GFRAL: variants seen among roughly 807,000 people sequenced by gnomAD.
The protein encoded by GFRAL is GDNF family receptor alpha-like.
In GFRAL, 36 loss-of-function variants were observed where a neutral mutation model predicts 45.4. That is an observed-to-expected ratio of 0.79 (90% CI 0.61 to 1.05). GFRAL has a LOEUF of 1.05. Among genes scored for constraint, GFRAL ranks in the 50% least tolerant of loss-of-function variants. The pLI, the probability that GFRAL is intolerant of heterozygous loss-of-function variation, is 0.00. For synonymous variants in GFRAL, 166 were observed against 154.1 expected, an observed-to-expected ratio of 1.08 and a Z score of -0.57; for missense variants, 507 against 467.5, an observed-to-expected ratio of 1.08 and a Z score of -0.78.
At chr6:55,400,662 AG>A (rs5876448) in intron 8 of GFRAL, among the ~76,000 whole-genome samples, 103,365 of 151,956 alleles carry the variant, frequency 0.68, 35,608 homozygotes, top group East Asian at 0.78. Context: ...CTTTTCTCCA[AG>A]GCCTTAAAAG....
At chr6:55,367,770 C>A (rs1581915321) in intron 6 of GFRAL, among the ~76,000 whole-genome samples, 1 of 151,754 alleles carries the variant, frequency 6.6e-6, no homozygotes, top group East Asian at 1.9e-4. Flanking sequence ...AATATTGGCC[C>A]CCACTCTCTT....
chr6:55,383,804 G>C (rs2127363799), intron 6 of GFRAL, among the ~76,000 whole-genome samples: 2 of 151,992 alleles, frequency 1.3e-5, no homozygotes, highest in Middle Eastern at 6.8e-3. Context: ...TTACATTTAG[G>C]ACAAGTTCCC....
At chr6:55,341,941 A>G (rs1370036218) in intron 3 of GFRAL, among the ~76,000 whole-genome samples, 1 of 151,808 alleles carries the variant, frequency 6.6e-6, no homozygotes, top group Non-Finnish European at 1.5e-5. Flanking sequence ...AGATTAAACA[A>G]ATGAAAGGAA....
Position 55,342,051 on chromosome 6 carries a change from G to A in GFRAL, c.317-8041G>A, listed in dbSNP as rs150001210. 5.9e-3 allele frequency among the ~76,000 whole-genome samples: 904 copies of A among 152,324 alleles called. 7 individuals carry two copies. Among genetic ancestry groups the A allele is most frequent in the African/African-American group, 0.02 (836 of 41,564 alleles). On this transcript the variant is annotated intron_variant, in intron 3 of 8. Coordinates refer to ENST00000340465, the MANE Select transcript of GFRAL (RefSeq NM_207410.2). ...AAAAGACCAAATCTACATCTGATTGGTGTACCTGAAAGTGATGGGGAAAAT... is the reference window on the plus strand; with the variant it reads ...AAAAGACCAAATCTACATCTGATTGATGTACCTGAAAGTGATGGGGAAAAT...
chr6:55,384,003 C>T (rs894004931), intron 6 of GFRAL, among the ~76,000 whole-genome samples: 2 of 151,964 alleles, frequency 1.3e-5, no homozygotes, highest in Non-Finnish European at 2.9e-5. Context: ...GATACCATCC[C>T]GATGTTTTCG....
At chr6:55,341,863 C>A (rs899088262) in intron 3 of GFRAL, among the ~76,000 whole-genome samples, 3 of 152,072 alleles carry the variant, frequency 2.0e-5, no homozygotes, top group Non-Finnish European at 4.4e-5. Flanking sequence ...GGCACGAGAA[C>A]TACATGATGA....
chr6:55,358,801 AT>A, intron 5 of GFRAL, 86 bp from the exon 6 acceptor site: 1 of 1,281,346 alleles, frequency 7.8e-7, no homozygotes, highest in African/African-American at 1.5e-5. Context: ...ATTGTGTTCT[AT>A]GTCTTTCATT....
intron 6 of GFRAL, among the ~76,000 whole-genome samples, chr6:55,379,880 G>A (rs75491552): frequency 0.026 from 3,877 of 151,732 alleles, 88 homozygotes; most frequent in Admixed American, 0.044. Flanking sequence ...TTTAGATTCC[G>A]CATACAAGTG....
chr6:55,351,040 G>A (rs1768109343), intron 4 of GFRAL, among the ~76,000 whole-genome samples: 1 of 152,046 alleles, frequency 6.6e-6, no homozygotes. Flanking sequence ...AGATCACAAT[G>A]TGTATCCTGT....
chr6:55,395,307 T>G (rs961573563), intron 6 of GFRAL, among the ~76,000 whole-genome samples: 1 of 151,632 alleles, frequency 6.6e-6, no homozygotes, highest in South Asian at 2.1e-4. Flanking sequence ...ATGTCATTTA[T>G]ATATTTTTTC....
At chr6:55,382,373 TA>T (rs1194885852) in intron 6 of GFRAL, among the ~76,000 whole-genome samples, 1 of 152,078 alleles carries the variant, frequency 6.6e-6, no homozygotes, top group East Asian at 1.9e-4. Flanking sequence ...ACTGTTTCTT[TA>T]AAATTACTTT....
In GFRAL at chr6:55,366,903, A is replaced by G. The variant is rs1204245450; in HGVS notation, c.952+7765A>G. On this transcript the variant is annotated intron_variant, in intron 6 of 8. Transcript: ENST00000340465. ...GAATAGGTGTGGTGTGGTGCTGAAA[A>G]AAATGTATATTCTGTTGATTTGGGG... 6.7e-5 allele frequency among the ~76,000 whole-genome samples: 6 copies of G among 88,950 alleles called. 1 individual carries two copies. Among genetic ancestry groups the G allele is most frequent in the Non-Finnish European group, 1.3e-4 (6 of 47,334 alleles). 58.4% of individuals were successfully genotyped at this position (88,950 alleles called of 152,430 possible). A position where few individuals can be genotyped will look rare whatever the true frequency, so the allele number is the denominator to read the frequency against.
intron 6 of GFRAL, among the ~76,000 whole-genome samples, chr6:55,393,654 G>A (rs1768783699): frequency 6.6e-6 from 1 of 151,964 alleles, no homozygotes; most frequent in Non-Finnish European, 1.5e-5. Flanking sequence ...AAAGAGGAAG[G>A]AAGGAAAAGA....
chr6:55,386,711 A>G (rs1012566537), intron 6 of GFRAL, among the ~76,000 whole-genome samples: 2 of 152,134 alleles, frequency 1.3e-5, no homozygotes, highest in Admixed American at 6.6e-5. Flanking sequence ...AATTCCCTCA[A>G]GAGAAGAGAC....
At chr6:55,358,848 A>G in intron 5 of GFRAL, 40 bp from the exon 6 acceptor site, 1 of 1,585,108 alleles carries the variant, frequency 6.3e-7, no homozygotes, top group Non-Finnish European at 8.6e-7. Flanking sequence ...GTGAAATAAC[A>G]CTATTCAAAA....
chr6:55,352,389 CTTCTGGTCTT>C (rs1338869235), intron 5 of GFRAL, among the ~76,000 whole-genome samples: 1 of 152,030 alleles, frequency 6.6e-6, no homozygotes, highest in East Asian at 1.9e-4. Context: ...AACAAAGATT[CTTCTGGTCTT>C]ATCTGGGCTG....
intron 6 of GFRAL, among the ~76,000 whole-genome samples, chr6:55,367,058 A>G (rs2127359572): frequency 1.6e-5 from 1 of 61,120 alleles, no homozygotes; most frequent in African/African-American, 9.1e-5. Flanking sequence ...GTCTCCCATT[A>G]TTAATGTGTG....
At chr6:55,346,753 A>G (rs1387184024) in intron 3 of GFRAL, among the ~76,000 whole-genome samples, 1 of 151,958 alleles carries the variant, frequency 6.6e-6, no homozygotes, top group Admixed American at 6.6e-5. Flanking sequence ...AAATTTCAAG[A>G]CACTGAAATA....
intron 3 of GFRAL, among the ~76,000 whole-genome samples, chr6:55,346,912 G>A (rs1768051242): frequency 1.4e-5 from 2 of 146,084 alleles, no homozygotes; most frequent in Admixed American, 7.1e-5. Context: ...TTAACATTAT[G>A]TGGTTCTATA....
Sources: allele counts gnomAD v4.1 joint callset (sites outside exome capture counted in the v4.1 genomes callset), GRCh38; gene constraint gnomAD v4.1.1; transcripts MANE v1.5; gene names NCBI Gene and HGNC (gene_info 2026-07-23, HGNC 2026-07-21).